The following TANC2 variants were observed in gnomAD, a reference collection of about 807,000 sequenced individuals.
The protein encoded by TANC2 is tetratricopeptide repeat, ankyrin repeat and coiled-coil containing 2.
TANC2 carries 26 observed loss-of-function variants against 210.5 expected under a neutral mutation model. The observed-to-expected ratio is 0.12, with a 90% CI of 0.09 to 0.17. TANC2 has a LOEUF of 0.17. Among genes scored for constraint, TANC2 ranks in the 10% least tolerant of loss-of-function variants. The pLI, the probability that TANC2 is intolerant of heterozygous loss-of-function variation, is 1.00. For synonymous variants in TANC2, 931 were observed against 967.1 expected, an observed-to-expected ratio of 0.96 and a Z score of 0.69; for missense variants, 2,129 against 2,608.9, an observed-to-expected ratio of 0.82 and a Z score of 4.01.
intron 11 of TANC2, among the ~76,000 whole-genome samples, chr17:63,319,740 A>G (rs1264595208): frequency 2.0e-5 from 3 of 152,102 alleles, no homozygotes; most frequent in Non-Finnish European, 4.4e-5. Flanking sequence ...GTGCTATACT[A>G]CCCTGTCCAT....
intron 7 of TANC2, among the ~76,000 whole-genome samples, chr17:63,216,957 A>C (rs2042042693): frequency 6.6e-6 from 1 of 152,248 alleles, no homozygotes; most frequent in Non-Finnish European, 1.5e-5. Flanking sequence ...TTGGAAATTA[A>C]ATAACACATT....
At chr17:63,301,699 A>T (rs567338728) in intron 9 of TANC2, among the ~76,000 whole-genome samples, 4 of 151,888 alleles carry the variant, frequency 2.6e-5, no homozygotes, top group African/African-American at 9.7e-5. Context: ...CTAGCAGTCT[A>T]TCTATTTTGT....
At chr17:63,286,339 A>G (rs2044220071) in intron 9 of TANC2, among the ~76,000 whole-genome samples, 1 of 152,148 alleles carries the variant, frequency 6.6e-6, no homozygotes, top group Non-Finnish European at 1.5e-5. Context: ...TCTTTATTTT[A>G]ATATGATTTT....
chr17:63,261,339 A>G (rs2043350117), intron 8 of TANC2, among the ~76,000 whole-genome samples: 2 of 152,218 alleles, frequency 1.3e-5, no homozygotes, highest in African/African-American at 4.8e-5. Context: ...TGCAGGAAGT[A>G]GTTACCACCT....
intron 2 of TANC2, among the ~76,000 whole-genome samples, chr17:63,033,149 C>T (rs2034840117): frequency 6.6e-6 from 1 of 152,174 alleles, no homozygotes; most frequent in Non-Finnish European, 1.5e-5. Flanking sequence ...ACATGAGGTT[C>T]ACTGACCCAG....
intron 2 of TANC2, among the ~76,000 whole-genome samples, chr17:63,026,301 C>T (rs769094611): frequency 6.6e-6 from 1 of 152,006 alleles, no homozygotes; most frequent in Non-Finnish European, 1.5e-5. Context: ...CTGCTGTATC[C>T]TCAGTACCTG....
At chr17:63,235,828 A>T (rs1046653116) in intron 7 of TANC2, among the ~76,000 whole-genome samples, 4 of 152,168 alleles carry the variant, frequency 2.6e-5, no homozygotes, top group African/African-American at 9.6e-5. Flanking sequence ...TTCTTGTTTT[A>T]TAATTATTGC....
At chr17:63,209,975 T>C (rs1030134350) in intron 7 of TANC2, among the ~76,000 whole-genome samples, 1 of 152,262 alleles carries the variant, frequency 6.6e-6, no homozygotes, top group Non-Finnish European at 1.5e-5. Context: ...TGATTTTGCA[T>C]TCCTAGAACC....
At chr17:62,968,998 G>A (rs1329600097) in intron 1 of TANC2, among the ~76,000 whole-genome samples, 2 of 151,890 alleles carry the variant, frequency 1.3e-5, no homozygotes, top group African/African-American at 2.4e-5. Context: ...CTCAAATCCC[G>A]CAGTTGGTGT....
chr17:63,356,432 G>T (rs2046784122), intron 14 of TANC2, among the ~76,000 whole-genome samples: 1 of 152,140 alleles, frequency 6.6e-6, no homozygotes, highest in Admixed American at 6.5e-5. Flanking sequence ...TGCCTCACAT[G>T]TGACTCATCA....
exon 8 of TANC2, chr17:63,237,868 G>T (rs1454183238): frequency 6.4e-7 from 1 of 1,557,008 alleles, no homozygotes; most frequent in Non-Finnish European, 8.7e-7. Flanking sequence ...GCTGGGGAAA[G>T]CAGTAAAGAA....
rs376174527 is a variant in TANC2 at position 63,407,451 on chromosome 17, C to G, written c.3589+1174C>G. On this transcript the variant is annotated intron_variant, in intron 21 of 27. Coordinates refer to ENST00000689528, the Ensembl canonical transcript of TANC2. ...CAGGAACTCTTGAGCCACTGATAAC[C>G]TTTAGATAGCTGCAAAGTACCTGTC... Among the ~76,000 whole-genome samples the G allele has an allele frequency of 1.9e-3, 297 of 152,314 alleles. 11 individuals carry two copies. In the South Asian group the frequency reaches 0.058, roughly 30 times the overall value.
intron 3 of TANC2, among the ~76,000 whole-genome samples, chr17:63,090,215 G>GT (rs56746099): frequency 0.49 from 69,256 of 140,506 alleles, 17,906 homozygotes; most frequent in African/African-American, 0.66. Context: ...TTTTTTTTGA[G>GT]TTTTTTTTTT....
intron 13 of TANC2, among the ~76,000 whole-genome samples, chr17:63,354,430 A>C (rs1405820533): frequency 6.6e-6 from 1 of 152,180 alleles, no homozygotes; most frequent in South Asian, 2.1e-4. Context: ...ACTGACTTGT[A>C]CTTGGCATTA....
At chr17:63,354,788 T>A in exon 14 of TANC2, 1 of 1,559,968 alleles carries the variant, frequency 6.4e-7, no homozygotes, top group Non-Finnish European at 8.6e-7. Flanking sequence ...TTTAGGAAAT[T>A]ACCAAGCTGC....
chr17:63,175,628 G>A (rs935512020), intron 5 of TANC2, among the ~76,000 whole-genome samples: 1 of 151,622 alleles, frequency 6.6e-6, no homozygotes, highest in Non-Finnish European at 1.5e-5. Context: ...TCTTGGATAG[G>A]ACATGAGAAA....
At chr17:63,370,284 T>C (rs940428734) in intron 14 of TANC2, among the ~76,000 whole-genome samples, 1 of 151,524 alleles carries the variant, frequency 6.6e-6, no homozygotes, top group Non-Finnish European at 1.5e-5. Context: ...GGTCACGCCA[T>C]TCTCCTGCCT....
At chr17:63,139,144 A>G (rs1247699312) in intron 4 of TANC2, among the ~76,000 whole-genome samples, 1 of 152,162 alleles carries the variant, frequency 6.6e-6, no homozygotes, top group Admixed American at 6.5e-5. Flanking sequence ...TTTTTAACTT[A>G]TTACTTTCTC....
At chr17:62,983,291 G>A (rs61228193) in intron 1 of TANC2, among the ~76,000 whole-genome samples, 3,198 of 151,800 alleles carry the variant, frequency 0.021, 103 homozygotes, top group African/African-American at 0.072. Context: ...GTTTGAATTC[G>A]TTTGAATTCG....
Sources: allele counts gnomAD v4.1 joint callset (sites outside exome capture counted in the v4.1 genomes callset), GRCh38; gene constraint gnomAD v4.1.1; transcripts MANE v1.5; gene names NCBI Gene and HGNC (gene_info 2026-07-23, HGNC 2026-07-21).